Variants in DSE observed in about 807,000 individuals in gnomAD.
DSE encodes the protein dermatan sulfate epimerase.
A neutral mutation model predicts 84.4 loss-of-function variants in DSE; 36 were observed. The ratio of observed to expected loss-of-function variants is 0.43; its 90% CI spans 0.33 to 0.56. The LOEUF is 0.56. DSE is among the 20% of genes least tolerant of loss of function. The pLI, the probability that DSE is intolerant of heterozygous loss-of-function variation, is 0.06. For synonymous variants in DSE, 410 were observed against 430.1 expected, an observed-to-expected ratio of 0.95 and a Z score of 0.58; for missense variants, 862 against 1,169.6, an observed-to-expected ratio of 0.74 and a Z score of 3.84.
At chr6:116,279,465 T>C (rs750649872) in intron 2 of DSE, 1 of 1,613,090 alleles carries the variant, frequency 6.2e-7, no homozygotes, top group Admixed American at 1.7e-5. Flanking sequence ...GAACGCCCTT[T>C]TTCAGGCTGC....
rs930145046 is a variant in DSE, at chr6:116,269,694, A to G, written c.-54+10727A>G. Reference sequence around the variant, plus strand: ...TTTGCTCTAACTAAAGTGCTTTACCACATTCTTCCACATATCACTTTAAAG... The same window carrying G: ...TTTGCTCTAACTAAAGTGCTTTACCGCATTCTTCCACATATCACTTTAAAG... On this transcript the variant is annotated intron_variant, in intron 2 of 3. Coordinates refer to the DSE transcript ENST00000430252. Among the ~76,000 whole-genome samples the G allele has an allele frequency of 2.0e-5, 3 of 152,174 alleles. 1 individual carries two copies. In the South Asian group the frequency reaches 6.2e-4, roughly 31 times the overall value.
At chr6:116,314,785 C>T (rs190132816) in intron 2 of DSE, among the ~76,000 whole-genome samples, 65 of 152,178 alleles carry the variant, frequency 4.3e-4, no homozygotes, top group South Asian at 1.0e-3. Flanking sequence ...AGTAGATAAC[C>T]CATTATGTGA....
At chr6:116,288,905 C>T (rs1163287574) in intron 2 of DSE, among the ~76,000 whole-genome samples, 1 of 151,956 alleles carries the variant, frequency 6.6e-6, no homozygotes, top group East Asian at 1.9e-4. Context: ...AAAAAAACAC[C>T]TTTTGAAATT....
intron 2 of DSE, among the ~76,000 whole-genome samples, chr6:116,261,632 T>C (rs1211396944): frequency 6.6e-6 from 1 of 152,180 alleles, no homozygotes; most frequent in Admixed American, 6.5e-5. Flanking sequence ...CTTCCAATAC[T>C]GTGTTGAATA....
At chr6:116,421,193 C>A (rs1038125234) in intron 2 of DSE, among the ~76,000 whole-genome samples, 8 of 151,934 alleles carry the variant, frequency 5.3e-5, no homozygotes, top group Non-Finnish European at 1.2e-4. Flanking sequence ...CATATAAATT[C>A]ACCTTTGAAA....
At chr6:116,405,811 C>T (rs985653021) in intron 2 of DSE, among the ~76,000 whole-genome samples, 11 of 152,164 alleles carry the variant, frequency 7.2e-5, no homozygotes, top group African/African-American at 2.2e-4. Context: ...GAAGAGGACC[C>T]GAGGGAGAGG....
intron 2 of DSE, among the ~76,000 whole-genome samples, chr6:116,329,050 T>A (rs534073962): frequency 6.6e-6 from 1 of 152,210 alleles, no homozygotes; most frequent in African/African-American, 2.4e-5. Flanking sequence ...AAAAAACTTT[T>A]GTTGGTCTAA....
chr6:116,420,405 G>A (rs899352392), intron 2 of DSE, among the ~76,000 whole-genome samples: 5 of 152,078 alleles, frequency 3.3e-5, no homozygotes, highest in Admixed American at 6.6e-5. Context: ...GATAAGAAGC[G>A]GTGCCAGAGA....
chr6:116,316,807 TCTACTA>T (rs200484849), intron 2 of DSE, among the ~76,000 whole-genome samples: 2 of 138,100 alleles, frequency 1.4e-5, no homozygotes, highest in East Asian at 4.3e-4. Context: ...TATTTCTTCT[TCTACTA>T]CTACTACTAC....
At chr6:116,424,296 T>A (rs180709083) in intron 2 of DSE, among the ~76,000 whole-genome samples, 1 of 152,348 alleles carries the variant, frequency 6.6e-6, no homozygotes, top group East Asian at 1.9e-4. Flanking sequence ...ATTCACACTC[T>A]CATAGTCTGT....
At position 116,272,512 on chromosome 6, in the gene DSE, A is replaced by G. The variant is rs1185948593; in HGVS notation, c.-54+13545A>G. On this transcript the variant is annotated intron_variant, in intron 2 of 3. Transcript: ENST00000430252. ...CCATTCTGCAAGACCACAGGGGGGA[A>G]ACTATGAAATAGATATACTGAAACT... Among the ~76,000 whole-genome samples the G allele has an allele frequency of 3.3e-5, 5 of 152,334 alleles. No individual in the cohort carries two copies. The South Asian group carries it at 1.0e-3, about 32-fold the overall frequency.
chr6:116,299,850 A>G (rs941619463), intron 2 of DSE, among the ~76,000 whole-genome samples: 3 of 152,100 alleles, frequency 2.0e-5, no homozygotes, highest in African/African-American at 4.8e-5. Context: ...AGTAAAATCA[A>G]TATGGTCCAA....
intron 1 of DSE, among the ~76,000 whole-genome samples, chr6:116,378,581 G>C (rs953884367): frequency 6.6e-6 from 1 of 151,884 alleles, no homozygotes; most frequent in Non-Finnish European, 1.5e-5. Context: ...TCCCAAACAG[G>C]TCATTTTTCC....
At chr6:116,378,152 G>A (rs927436319) in intron 1 of DSE, among the ~76,000 whole-genome samples, 6 of 152,150 alleles carry the variant, frequency 3.9e-5, no homozygotes, top group African/African-American at 1.4e-4. Context: ...AAGAAAAGAA[G>A]GGGGAAATTA....
At chr6:116,410,997 C>T (rs1306204580) in intron 2 of DSE, among the ~76,000 whole-genome samples, 2 of 151,898 alleles carry the variant, frequency 1.3e-5, no homozygotes, top group Non-Finnish European at 2.9e-5. Flanking sequence ...ATACTTGGAG[C>T]TATTGAGGAA....
chr6:116,262,054 TTC>T (rs757231531), intron 2 of DSE, among the ~76,000 whole-genome samples: 7 of 152,200 alleles, frequency 4.6e-5, no homozygotes, highest in Non-Finnish European at 1.0e-4. Flanking sequence ...GCCTGAAATT[TTC>T]TCTTTCTGTT....
At chr6:116,277,300 T>C (rs1773190112) in intron 2 of DSE, 1 of 152,686 alleles carries the variant, frequency 6.5e-6, no homozygotes, top group African/African-American at 2.4e-5. Context: ...CAATTCTCCC[T>C]GAAAAGTATT....
At chr6:116,371,337 C>G (rs1196314927) in intron 1 of DSE, among the ~76,000 whole-genome samples, 1 of 152,214 alleles carries the variant, frequency 6.6e-6, no homozygotes, top group East Asian at 1.9e-4. Context: ...CCACGGGCTT[C>G]CCCGGCGGCG....
intron 2 of DSE, among the ~76,000 whole-genome samples, chr6:116,286,810 T>G (rs1193608619): frequency 6.6e-6 from 1 of 152,146 alleles, no homozygotes; most frequent in East Asian, 1.9e-4. Flanking sequence ...TTTTCTGAAA[T>G]GGTGACCCAA....
Sources: allele counts gnomAD v4.1 joint callset (sites outside exome capture counted in the v4.1 genomes callset), GRCh38; gene constraint gnomAD v4.1.1; transcripts MANE v1.5; gene names NCBI Gene and HGNC (gene_info 2026-07-23, HGNC 2026-07-21).